The following UBE2E2 variants were observed in gnomAD, a reference collection of about 807,000 sequenced individuals.
UBE2E2 encodes the protein ubiquitin-conjugating enzyme E2 E2.
UBE2E2 carries 6 observed loss-of-function variants against 24.7 expected under a neutral mutation model. That is an observed-to-expected ratio of 0.24 (90% CI 0.13 to 0.48). The LOEUF is 0.48. UBE2E2 is among the 20% of genes least tolerant of loss of function. The pLI is 0.99. For synonymous variants in UBE2E2, 104 were observed against 83.6 expected (o/e 1.24, Z -1.33); for missense variants, 169 against 245.0 (o/e 0.69, Z 2.07).
intron 3 of UBE2E2, among the ~76,000 whole-genome samples, chr3:23,483,967 A>T (rs1407304132): frequency 6.6e-6 from 1 of 152,226 alleles, no homozygotes. Flanking sequence ...GGGAGGGAGC[A>T]GCGAACTTAA....
intron 3 of UBE2E2, among the ~76,000 whole-genome samples, chr3:23,239,688 G>A (rs1169384123): frequency 6.6e-6 from 1 of 152,186 alleles, no homozygotes; most frequent in Admixed American, 6.5e-5. Context: ...GAGATCAGAT[G>A]AAGTTCAGAT....
At chr3:23,360,621 C>A (rs1375696074) in intron 3 of UBE2E2, among the ~76,000 whole-genome samples, 1 of 152,010 alleles carries the variant, frequency 6.6e-6, no homozygotes, top group African/African-American at 2.4e-5. Flanking sequence ...GGTGAATTTT[C>A]CAGTTAATAC....
chr3:23,247,978 T>C (rs1430337566), intron 3 of UBE2E2, among the ~76,000 whole-genome samples: 1 of 152,240 alleles, frequency 6.6e-6, no homozygotes, highest in Non-Finnish European at 1.5e-5. Context: ...CATGTAAAAA[T>C]TCTGATTAGC....
At chr3:23,540,831 A>C (rs1470700644) in intron 5 of UBE2E2, among the ~76,000 whole-genome samples, 1 of 152,142 alleles carries the variant, frequency 6.6e-6, no homozygotes, top group African/African-American at 2.4e-5. Flanking sequence ...AGTGGTCTCA[A>C]GTGATCCTCC....
intron 3 of UBE2E2, among the ~76,000 whole-genome samples, chr3:23,345,250 A>G (rs1208578177): frequency 6.6e-6 from 1 of 152,236 alleles, no homozygotes; most frequent in East Asian, 1.9e-4. Flanking sequence ...TACACTGGAA[A>G]GAGTTAGGTT....
intron 3 of UBE2E2, among the ~76,000 whole-genome samples, chr3:23,247,357 ATT>A (rs201663345): frequency 7.9e-5 from 11 of 138,696 alleles, no homozygotes; most frequent in Admixed American, 1.5e-4. Context: ...CTCTGAGTGT[ATT>A]TTTTTTTTTT....
rs190617779 is a variant in UBE2E2 at position 23,500,571 on chromosome 3, G to A, written c.360+831G>A. Among the ~76,000 whole-genome samples, 152 of 152,244 alleles carry A rather than the reference G, an allele frequency of 1.0e-3. 2 individuals carry two copies. Among genetic ancestry groups the A allele is most frequent in the African/African-American group, 3.5e-3 (144 of 41,534 alleles). On this transcript the variant is annotated intron_variant, in intron 4 of 5. Transcript: ENST00000396703. Reference sequence around the variant, plus strand: ...TTTTGACTACCAAGAAAGAATTCTCGTCTGGCCCTGACTTAACGTCACAAT... The same window carrying A: ...TTTTGACTACCAAGAAAGAATTCTCATCTGGCCCTGACTTAACGTCACAAT...
At chr3:23,226,799 C>G (rs553709124) in intron 3 of UBE2E2, among the ~76,000 whole-genome samples, 16 of 151,994 alleles carry the variant, frequency 1.1e-4, no homozygotes, top group African/African-American at 3.9e-4. Context: ...GGTTTAAATA[C>G]TGAGTAAAAG....
intron 3 of UBE2E2, among the ~76,000 whole-genome samples, chr3:23,359,700 A>G (rs1482078094): frequency 6.6e-6 from 1 of 152,050 alleles, no homozygotes; most frequent in East Asian, 1.9e-4. Flanking sequence ...TTAGCTGAGC[A>G]TGGAGGTGTT....
intron 3 of UBE2E2, among the ~76,000 whole-genome samples, chr3:23,459,867 T>C (rs1005127467): frequency 2.0e-5 from 3 of 152,158 alleles, no homozygotes; most frequent in African/African-American, 7.2e-5. Context: ...TAAATATTTG[T>C]GTTAGTTTTA....
chr3:23,584,739 T>G (rs1275097194), intron 5 of UBE2E2, among the ~76,000 whole-genome samples: 246 of 147,234 alleles, frequency 1.7e-3, no homozygotes, highest in Non-Finnish European at 3.0e-3. Context: ...TTTTTTTTTT[T>G]TTTTTTTTTT....
intron 3 of UBE2E2, among the ~76,000 whole-genome samples, chr3:23,282,391 A>C (rs754474018): frequency 5.9e-5 from 9 of 152,156 alleles, no homozygotes; most frequent in Non-Finnish European, 1.2e-4. Context: ...TTTCTATCTT[A>C]TTATGCATGA....
chr3:23,250,929 C>T (rs1697557886), intron 3 of UBE2E2, among the ~76,000 whole-genome samples: 2 of 152,200 alleles, frequency 1.3e-5, no homozygotes. Flanking sequence ...ACCATTATAG[C>T]TCACTGCAAC....
intron 3 of UBE2E2, among the ~76,000 whole-genome samples, chr3:23,384,668 G>A (rs374765280): frequency 4.6e-5 from 7 of 151,732 alleles, no homozygotes; most frequent in South Asian, 2.1e-4. Flanking sequence ...TCAGCCTCCC[G>A]AGTAGCTGGG....
At chr3:23,311,344 A>G (rs1261493363) in intron 3 of UBE2E2, among the ~76,000 whole-genome samples, 1 of 152,234 alleles carries the variant, frequency 6.6e-6, no homozygotes, top group African/African-American at 2.4e-5. Flanking sequence ...TTATAGCAGC[A>G]TGATTTATAA....
At position 23,417,930 on chromosome 3, in the gene UBE2E2, G is replaced by A. The variant is rs140719504; in HGVS notation, c.228-81678G>A. Among the ~76,000 whole-genome samples, 978 of 152,282 alleles carry A rather than the reference G, an allele frequency of 6.4e-3. 4 individuals are homozygous for A. The highest frequency in any genetic ancestry group is 0.024 in the Middle Eastern group (7 of 294). The stretch of plus-strand genomic sequence containing the variant: ...CCGTGCCCAAGGTCCAGCATCCCAG[G>A]TCGACTTCAGACTGCTGTGCTGGCA... On this transcript the variant is annotated intron_variant, in intron 3 of 5. Coordinates refer to ENST00000396703, the MANE Select transcript of UBE2E2 (RefSeq NM_152653.4).
rs754670052 is a variant in UBE2E2 at position 23,284,962 on chromosome 3, A to AAT, written c.227+67665_227+67666dup. Among the ~76,000 whole-genome samples, 829 of 141,558 alleles carry AAT rather than the reference A, an allele frequency of 5.9e-3. 7 individuals are homozygous for AAT. Among genetic ancestry groups the AAT allele is most frequent in the African/African-American group, 0.021 (769 of 36,208 alleles). 92.9% of individuals were successfully genotyped at this position (141,558 alleles called of 152,430 possible). On this transcript the variant is annotated intron_variant, in intron 3 of 5. Coordinates refer to ENST00000396703, the MANE Select transcript of UBE2E2 (RefSeq NM_152653.4). Reference sequence around the variant, plus strand: ...TCTATAGCTTCTTGTTGGAAAAAAAAATATATATATATATATTTATATATT... The same window carrying AAT: ...TCTATAGCTTCTTGTTGGAAAAAAAAATATATATATATATATATTTATATATT...
intron 3 of UBE2E2, among the ~76,000 whole-genome samples, chr3:23,440,515 C>T (rs1047730563): frequency 5.9e-5 from 9 of 152,186 alleles, no homozygotes; most frequent in Non-Finnish European, 1.0e-4. Context: ...CACGTTCATA[C>T]GCGTGAACAG....
intron 3 of UBE2E2, chr3:23,323,557 T>A: frequency 4.4e-6 from 2 of 452,786 alleles, no homozygotes; most frequent in Non-Finnish European, 8.9e-6. Flanking sequence ...CAATTCTCAA[T>A]TGGATTTTTG....
Sources: allele counts gnomAD v4.1 joint callset (sites outside exome capture counted in the v4.1 genomes callset), GRCh38; gene constraint gnomAD v4.1.1; transcripts MANE v1.5; gene names NCBI Gene and HGNC (gene_info 2026-07-23, HGNC 2026-07-21).